Variants in LRMDA observed in about 807,000 individuals in gnomAD.
The protein encoded by LRMDA is leucine-rich melanocyte differentiation-associated protein.
Under a neutral mutation model 29.8 loss-of-function variants are expected in LRMDA, and 18 were observed. The observed-to-expected ratio is 0.60, with a 90% CI of 0.42 to 0.90. The LOEUF is 0.90. Ranked by LOEUF, LRMDA falls within the 40% of genes least tolerant of loss-of-function variation. The probability of loss-of-function intolerance (pLI) is 0.00; values close to 1 mark genes in which losing one functional copy is unlikely to be tolerated. For synonymous variants in LRMDA, 125 were observed against 109.4 expected (o/e 1.14, Z -0.89); for missense variants, 273 against 273.9 (o/e 1.00, Z 0.02).
At chr10:75,983,260 C>A (rs1370003764) in intron 2 of LRMDA, among the ~76,000 whole-genome samples, 33 of 152,206 alleles carry the variant, frequency 2.2e-4, no homozygotes, top group Admixed American at 1.6e-3. Context: ...ATAGCAGGAA[C>A]AAGGAAAGGG....
chr10:75,926,314 T>C (rs1321643286), intron 2 of LRMDA, among the ~76,000 whole-genome samples: 1 of 152,176 alleles, frequency 6.6e-6, no homozygotes, highest in Non-Finnish European at 1.5e-5. Flanking sequence ...AGAGAAAAGA[T>C]GAAACAGTGG....
At chr10:75,984,275 C>T (rs1361799653) in intron 2 of LRMDA, among the ~76,000 whole-genome samples, 1 of 151,360 alleles carries the variant, frequency 6.6e-6, no homozygotes, top group Non-Finnish European at 1.5e-5. Flanking sequence ...GGATCTGTGC[C>T]CTGCGGGGAG....
At chr10:76,193,390 G>A (rs1025766570) in intron 5 of LRMDA, among the ~76,000 whole-genome samples, 42 of 151,956 alleles carry the variant, frequency 2.8e-4, no homozygotes, top group African/African-American at 8.9e-4. Context: ...AAGTGATTTC[G>A]GAAGTCCATG....
At chr10:76,556,482 G>A (rs2637258) in intron 6 of LRMDA, 124,451 of 151,436 alleles carry the variant, frequency 0.82, 53,506 homozygotes, top group Non-Finnish European at 0.97. Flanking sequence ...CTCCCGAGTA[G>A]CTGGGACTAC....
chr10:76,553,361 T>C (rs1843517868), intron 6 of LRMDA, among the ~76,000 whole-genome samples: 1 of 152,236 alleles, frequency 6.6e-6, no homozygotes, highest in Non-Finnish European at 1.5e-5. Context: ...CCGTTGCAGA[T>C]GTGTAGAGAA....
intron 2 of LRMDA, among the ~76,000 whole-genome samples, chr10:76,020,217 C>T (rs554986046): frequency 2.8e-4 from 43 of 152,264 alleles, no homozygotes; most frequent in African/African-American, 8.9e-4. Flanking sequence ...GTACTATAAG[C>T]GTGTGGATAC....
intron 3 of LRMDA, among the ~76,000 whole-genome samples, chr10:76,043,403 A>C (rs1451949143): frequency 1.3e-5 from 2 of 152,196 alleles, no homozygotes; most frequent in African/African-American, 2.4e-5. Flanking sequence ...TCATAATTAA[A>C]TGTTACTCCT....
intron 2 of LRMDA, among the ~76,000 whole-genome samples, chr10:75,806,677 A>G (rs1843858686): frequency 6.7e-6 from 1 of 149,782 alleles, no homozygotes; most frequent in Non-Finnish European, 1.5e-5. Flanking sequence ...GGTTCAACTT[A>G]GAAATCCCGA....
At chr10:75,893,317 A>G (rs992043484) in intron 2 of LRMDA, among the ~76,000 whole-genome samples, 6 of 152,186 alleles carry the variant, frequency 3.9e-5, no homozygotes, top group Admixed American at 2.6e-4. Context: ...TGTTCTCCAG[A>G]TAGTCAAGGC....
chr10:75,941,844 G>A (rs1564612940), intron 2 of LRMDA, among the ~76,000 whole-genome samples: 2 of 152,074 alleles, frequency 1.3e-5, no homozygotes, highest in Non-Finnish European at 2.9e-5. Context: ...TGTTCAATGA[G>A]GATATTGAGT....
intron 5 of LRMDA, among the ~76,000 whole-genome samples, chr10:76,145,692 C>T (rs907505006): frequency 2.0e-5 from 3 of 151,970 alleles, no homozygotes; most frequent in African/African-American, 7.3e-5. Flanking sequence ...CTATTTCCTT[C>T]AGTTCTGCTC....
At chr10:75,769,461 G>A (rs189965204) in intron 2 of LRMDA, among the ~76,000 whole-genome samples, 30 of 152,176 alleles carry the variant, frequency 2.0e-4, no homozygotes, top group East Asian at 5.8e-4. Flanking sequence ...TAATTTTTTT[G>A]CAAACTGCTG....
chr10:75,834,655 C>T (rs1844403076), intron 2 of LRMDA, among the ~76,000 whole-genome samples: 1 of 152,170 alleles, frequency 6.6e-6, no homozygotes, highest in Non-Finnish European at 1.5e-5. Flanking sequence ...TCAAGTTGTG[C>T]TTTCCATGTA....
chr10:75,654,393 C>G (rs1433188608), intron 2 of LRMDA, among the ~76,000 whole-genome samples: 2 of 152,104 alleles, frequency 1.3e-5, no homozygotes, highest in East Asian at 3.9e-4. Flanking sequence ...CAGTTCTTAC[C>G]CAGGAGTATA....
At chr10:75,760,533 A>G (rs538213437) in intron 2 of LRMDA, among the ~76,000 whole-genome samples, 1 of 152,180 alleles carries the variant, frequency 6.6e-6, no homozygotes, top group Non-Finnish European at 1.5e-5. Flanking sequence ...TAATGAACTA[A>G]AAGAGGTATT....
chr10:76,464,067 G>A (rs1008294688), intron 6 of LRMDA, among the ~76,000 whole-genome samples: 4 of 151,530 alleles, frequency 2.6e-5, no homozygotes, highest in South Asian at 2.1e-4. Flanking sequence ...TTACAGGCAC[G>A]AACCACCACG....
At chr10:75,556,288 A>G (rs1045825126) in intron 2 of LRMDA, among the ~76,000 whole-genome samples, 4 of 152,228 alleles carry the variant, frequency 2.6e-5, no homozygotes, top group African/African-American at 9.7e-5. Context: ...GCATCCAGGG[A>G]AACAACAACT....
At position 75,781,997 on chromosome 10, in the gene LRMDA, G is replaced by A. The variant is rs186295902; in HGVS notation, c.132-254011G>A. Among the ~76,000 whole-genome samples, 359 of 152,290 alleles carry A rather than the reference G, an allele frequency of 2.4e-3. 2 individuals are homozygous for A. The highest frequency in any genetic ancestry group is 8.3e-3 in the African/African-American group (345 of 41,556). The stretch of plus-strand genomic sequence containing the variant: ...TATCTCCTGCCTCTCCCTCTGTGGG[G>A]AATGTGTTCGAGGATCACAGCTACA... On this transcript the variant is annotated intron_variant, in intron 2 of 6. Transcript: ENST00000611255.
chr10:76,006,860 A>G (rs1331998688), intron 2 of LRMDA, among the ~76,000 whole-genome samples: 5 of 152,180 alleles, frequency 3.3e-5, no homozygotes, highest in Non-Finnish European at 2.9e-5. Context: ...TGAGCCCCAC[A>G]TTTTAGAGAT....
Sources: allele counts gnomAD v4.1 joint callset (sites outside exome capture counted in the v4.1 genomes callset), GRCh38; gene constraint gnomAD v4.1.1; transcripts MANE v1.5; gene names NCBI Gene and HGNC (gene_info 2026-07-23, HGNC 2026-07-21).